PDXDC1: variants seen among roughly 807,000 people sequenced by gnomAD.
PDXDC1 encodes the protein pyridoxal dependent decarboxylase domain containing 1.
A neutral mutation model predicts 100.1 loss-of-function variants in PDXDC1; 42 were observed. That is an observed-to-expected ratio of 0.42 (90% confidence interval 0.33 to 0.54). PDXDC1 has a LOEUF of 0.54. PDXDC1 is among the 20% of genes least tolerant of loss of function. PDXDC1 has a pLI of 0.10. For missense variants in PDXDC1, 636 were observed against 979.2 expected (o/e 0.65, Z 4.68); for synonymous variants, 260 against 371.7 (o/e 0.70, Z 3.46).
At chr16:15,035,651 T>G (rs1192828820) in intron 22 of PDXDC1, 98 bp downstream of exon 22, 3 of 666,534 alleles carry the variant, frequency 4.5e-6, no homozygotes, top group East Asian at 5.7e-5. Context: ...GAGGTCTATT[T>G]CTCTTAAGAC....
chr16:15,132,657 G>T, intron 16 of PDXDC1: 7 of 736,684 alleles, frequency 9.5e-6, no homozygotes, highest in South Asian at 6.1e-5. Flanking sequence ...CGTCTGCCCT[G>T]GGGGGCTGAA....
At chr16:14,993,883 C>T (rs1186083527) in intron 1 of PDXDC1, among the ~76,000 whole-genome samples, 1 of 152,278 alleles carries the variant, frequency 6.6e-6, no homozygotes, top group Non-Finnish European at 1.5e-5. Flanking sequence ...TTGCATTTCT[C>T]TGATGGCCAG....
chr16:15,077,330 G>T (rs930594912), intron 16 of PDXDC1, among the ~76,000 whole-genome samples: 4 of 152,118 alleles, frequency 2.6e-5, no homozygotes, highest in African/African-American at 4.8e-5. Context: ...ATGTTGCTGG[G>T]GGGGGACTGG....
intron 16 of PDXDC1, among the ~76,000 whole-genome samples, chr16:15,111,756 CAAAAAAAAA>C (rs1202549941): frequency 1.7e-5 from 1 of 58,604 alleles, no homozygotes; most frequent in African/African-American, 7.2e-5. Flanking sequence ...GACTCCGTCT[CAAAAAAAAA>C]AAAAAAAAAA....
At chr16:14,994,953 G>T (rs1315571983) in intron 1 of PDXDC1, among the ~76,000 whole-genome samples, 1 of 152,284 alleles carries the variant, frequency 6.6e-6, no homozygotes, top group African/African-American at 2.4e-5. Flanking sequence ...TCTGTTATTG[G>T]TGTATAAGAA....
At chr16:15,063,697 T>A (rs2044820290) in intron 16 of PDXDC1, among the ~76,000 whole-genome samples, 1 of 109,758 alleles carries the variant, frequency 9.1e-6, no homozygotes, top group Non-Finnish European at 1.8e-5. Flanking sequence ...AGAGCAAGAC[T>A]CTGTCTCAAA....
intron 16 of PDXDC1, chr16:15,133,225 A>C (rs908935230): frequency 6.1e-6 from 8 of 1,318,470 alleles, no homozygotes; most frequent in African/African-American, 2.9e-5. Context: ...CCCAGCACGC[A>C]TGCAGCAGAT....
At chr16:15,076,707 A>T (rs911503085) in intron 16 of PDXDC1, 1 of 1,263,204 alleles carries the variant, frequency 7.9e-7, no homozygotes, top group African/African-American at 1.5e-5. Context: ...CAACTATGTT[A>T]TTTTGGGATG....
intron 16 of PDXDC1, among the ~76,000 whole-genome samples, chr16:15,081,662 T>C (rs2045708490): frequency 6.6e-6 from 1 of 152,202 alleles, no homozygotes; most frequent in Admixed American, 6.5e-5. Context: ...CTATGAAGCA[T>C]AACAACGTTT....
intron 1 of PDXDC1, chr16:14,990,226 C>G (rs1423515599): frequency 6.3e-5 from 59 of 935,426 alleles, no homozygotes; most frequent in Non-Finnish European, 6.9e-5. Context: ...CCCACCGGCC[C>G]GGCCGCCCGT....
At chr16:15,008,928 C>T in intron 7 of PDXDC1, 81 bp downstream of exon 7, 7 of 1,363,686 alleles carry the variant, frequency 5.1e-6, no homozygotes, top group Non-Finnish European at 7.3e-6. Context: ...TTTTGCTGGC[C>T]TCCAGATAAT....
At chr16:15,070,828 A>C (rs2045192113) in intron 16 of PDXDC1, among the ~76,000 whole-genome samples, 2 of 152,160 alleles carry the variant, frequency 1.3e-5, no homozygotes, top group Non-Finnish European at 2.9e-5. Flanking sequence ...TGACAAACCT[A>C]CAAAAAGAAT....
At chr16:15,109,908 C>A (rs1016014983) in intron 16 of PDXDC1, among the ~76,000 whole-genome samples, 2 of 140,734 alleles carry the variant, frequency 1.4e-5, no homozygotes, top group Non-Finnish European at 3.1e-5. Flanking sequence ...AATCCCAGCA[C>A]TTTGGGAGGC....
the PDXDC1 span, among the ~76,000 whole-genome samples, chr16:15,150,370 T>TA: frequency 6.8e-6 from 1 of 146,774 alleles, no homozygotes; most frequent in Non-Finnish European, 1.5e-5. Flanking sequence ...AATAAATAAA[T>TA]AAATAAATAA....
intron 17 of PDXDC1, 167 bp from the exon 18 acceptor site, chr16:15,032,694 C>T: frequency 2.2e-6 from 1 of 455,538 alleles, no homozygotes; most frequent in Non-Finnish European, 4.0e-6. Context: ...TTTCTCTTTA[C>T]TCCTGGCACA....
intron 15 of PDXDC1, chr16:15,029,279 G>C (rs947262389): frequency 1.7e-6 from 1 of 577,590 alleles, no homozygotes; most frequent in East Asian, 3.0e-5. Flanking sequence ...GCACAGCCGG[G>C]AGCCCCAGGC....
chr16:15,050,014 A>C (rs1049667423), intron 16 of PDXDC1, among the ~76,000 whole-genome samples: 2 of 152,188 alleles, frequency 1.3e-5, no homozygotes, highest in Admixed American at 1.3e-4. Flanking sequence ...AAAAGCAAAC[A>C]TGAGTGATTT....
At chr16:15,071,516 C>T (rs2045227922) in intron 16 of PDXDC1, among the ~76,000 whole-genome samples, 1 of 152,208 alleles carries the variant, frequency 6.6e-6, no homozygotes, top group African/African-American at 2.4e-5. Context: ...GCCTGTAATC[C>T]CAGCACTTTG....
chr16:15,033,245 G>T (rs747746735), intron 18 of PDXDC1, 33 bp from the exon 19 acceptor site: 1 of 1,613,344 alleles, frequency 6.2e-7, no homozygotes, highest in South Asian at 1.1e-5. Context: ...ACAGAGGACT[G>T]AGAAACTCAA....
Sources: allele counts gnomAD v4.1 joint callset (sites outside exome capture counted in the v4.1 genomes callset), GRCh38; gene constraint gnomAD v4.1.1; transcripts MANE v1.5; gene names NCBI Gene and HGNC (gene_info 2026-07-23, HGNC 2026-07-21).